Variants in KCNMA1 observed in about 807,000 individuals in gnomAD.
The protein encoded by KCNMA1 is potassium calcium-activated channel subfamily M alpha 1.
A neutral mutation model predicts 140.0 loss-of-function variants in KCNMA1; 29 were observed. That is an observed-to-expected ratio of 0.21 (90% CI 0.15 to 0.28). The LOEUF is 0.28. Ranked by LOEUF, KCNMA1 falls within the 10% of genes least tolerant of loss-of-function variation. KCNMA1 has a pLI of 1.00. For missense variants in KCNMA1, 880 were observed against 1,602.2 expected, an observed-to-expected ratio of 0.55 and a Z score of 7.70; for synonymous variants, 612 against 611.9, an observed-to-expected ratio of 1.00 and a Z score of 0.00.
At chr10:77,255,729 T>A (rs2060589084) in intron 2 of KCNMA1, among the ~76,000 whole-genome samples, 1 of 151,878 alleles carries the variant, frequency 6.6e-6, no homozygotes, top group African/African-American at 2.4e-5. Context: ...CTGGCCAATA[T>A]GGTGAAACCC....
chr10:77,546,173 T>C (rs562251857), intron 1 of KCNMA1, among the ~76,000 whole-genome samples: 1 of 152,276 alleles, frequency 6.6e-6, no homozygotes, highest in Non-Finnish European at 1.5e-5. Context: ...GAGGAAAGTC[T>C]GTGTGGGGCT....
intron 3 of KCNMA1, among the ~76,000 whole-genome samples, chr10:77,216,897 C>T (rs1338044244): frequency 6.6e-6 from 1 of 152,052 alleles, no homozygotes; most frequent in African/African-American, 2.4e-5. Flanking sequence ...CAGAAAGGTC[C>T]CATAGTTCTT....
chr10:77,335,831 G>T (rs1340253878), intron 2 of KCNMA1, among the ~76,000 whole-genome samples: 1 of 152,178 alleles, frequency 6.6e-6, no homozygotes, highest in African/African-American at 2.4e-5. Flanking sequence ...TAGCAACTGG[G>T]AAAGGAAGAA....
At chr10:77,364,544 G>A (rs774968199) in intron 2 of KCNMA1, among the ~76,000 whole-genome samples, 1 of 152,150 alleles carries the variant, frequency 6.6e-6, no homozygotes, top group African/African-American at 2.4e-5. Flanking sequence ...ATTTATATTT[G>A]TAGTTAGTAA....
At chr10:77,128,576 A>T (rs1483980470) in intron 5 of KCNMA1, among the ~76,000 whole-genome samples, 1 of 152,078 alleles carries the variant, frequency 6.6e-6, no homozygotes, top group African/African-American at 2.4e-5. Flanking sequence ...AGGCAGAGGG[A>T]GTATTAAGGC....
chr10:77,367,710 C>T (rs2094450762), intron 2 of KCNMA1, among the ~76,000 whole-genome samples: 2 of 152,186 alleles, frequency 1.3e-5, no homozygotes, highest in African/African-American at 2.4e-5. Flanking sequence ...TATGATCACA[C>T]CTATCACCCC....
chr10:77,466,046 A>G (rs751014370), intron 1 of KCNMA1, among the ~76,000 whole-genome samples: 3 of 152,178 alleles, frequency 2.0e-5, no homozygotes, highest in Non-Finnish European at 2.9e-5. Context: ...GCAAGGGCAT[A>G]CCCTTGGCGG....
chr10:77,177,153 C>A (rs2098757482), intron 5 of KCNMA1, among the ~76,000 whole-genome samples: 1 of 152,120 alleles, frequency 6.6e-6, no homozygotes, highest in African/African-American at 2.4e-5. Flanking sequence ...GACTTCTCAC[C>A]CACAGAACTG....
chr10:77,508,354 T>G (rs2046913079), intron 1 of KCNMA1, among the ~76,000 whole-genome samples: 1 of 150,570 alleles, frequency 6.6e-6, no homozygotes, highest in Admixed American at 6.6e-5. Context: ...TTTTTTTTTT[T>G]TTGTAATTTT....
intron 2 of KCNMA1, among the ~76,000 whole-genome samples, chr10:77,318,827 T>C (rs1387005704): frequency 1.3e-5 from 2 of 152,152 alleles, no homozygotes; most frequent in African/African-American, 4.8e-5. Context: ...AGTTGGAGAC[T>C]TCGTTCCTTG....
At chr10:76,937,781 C>T (rs7070554) in intron 23 of KCNMA1, among the ~76,000 whole-genome samples, 11,324 of 152,178 alleles carry the variant, frequency 0.074, 781 homozygotes, top group African/African-American at 0.18. Context: ...AATGTCATTC[C>T]CTACTTGAGG....
At chr10:77,633,777 C>A (rs879226425) in intron 1 of KCNMA1, among the ~76,000 whole-genome samples, 1 of 152,194 alleles carries the variant, frequency 6.6e-6, no homozygotes, top group South Asian at 2.1e-4. Flanking sequence ...ATGGAAATAA[C>A]TCTATGCCCA....
At chr10:77,473,413 C>A (rs1467428405) in intron 1 of KCNMA1, among the ~76,000 whole-genome samples, 1 of 152,218 alleles carries the variant, frequency 6.6e-6, no homozygotes, top group African/African-American at 2.4e-5. Flanking sequence ...CCAAGAAGAG[C>A]TTTAGCCCTG....
intron 13 of KCNMA1, among the ~76,000 whole-genome samples, chr10:77,076,696 C>T (rs559135457): frequency 3.3e-5 from 5 of 152,224 alleles, no homozygotes; most frequent in African/African-American, 9.6e-5. Context: ...CCAACGAGTA[C>T]TAAAGAAGAT....
rs1388418062 is a variant in KCNMA1 at position 77,117,441 on chromosome 10, C to T, written c.884+3532G>A. 2.2e-5 allele frequency among the ~76,000 whole-genome samples: 3 copies of T among 138,732 alleles called. No homozygotes were observed. In the East Asian group the frequency reaches 7.5e-4, roughly 35 times the overall value. 91.0% of individuals were successfully genotyped at this position (138,732 alleles called of 152,430 possible). ...GCAGGCACCTGTAATCCCAGCTACTCGGGAGGCTGAGGCAGGAGAATGGCT... is the reference window on the plus strand; with the variant it reads ...GCAGGCACCTGTAATCCCAGCTACTTGGGAGGCTGAGGCAGGAGAATGGCT... On this transcript the variant is annotated intron_variant, in intron 6 of 27. Coordinates refer to ENST00000286628, the MANE Select transcript of KCNMA1 (RefSeq NM_001161352.2).
chr10:77,378,805 C>G (rs997981333), intron 2 of KCNMA1, among the ~76,000 whole-genome samples: 3 of 152,118 alleles, frequency 2.0e-5, no homozygotes, highest in African/African-American at 7.2e-5. Flanking sequence ...GTGGGACTTA[C>G]CCAATTATAA....
At chr10:77,271,891 T>A (rs1339561826) in intron 2 of KCNMA1, among the ~76,000 whole-genome samples, 3 of 152,212 alleles carry the variant, frequency 2.0e-5, no homozygotes, top group African/African-American at 7.2e-5. Context: ...GTCCCTTTCC[T>A]ATCCTCCAAA....
intron 2 of KCNMA1, among the ~76,000 whole-genome samples, chr10:77,396,341 A>G (rs554189443): frequency 6.6e-6 from 1 of 152,304 alleles, no homozygotes; most frequent in South Asian, 2.1e-4. Flanking sequence ...AGAGACAGAG[A>G]GAGAGAGAAG....
intron 1 of KCNMA1, among the ~76,000 whole-genome samples, chr10:77,432,611 A>G (rs1274043699): frequency 1.3e-5 from 2 of 152,102 alleles, no homozygotes; most frequent in African/African-American, 4.8e-5. Context: ...GGCCAGATAC[A>G]CCCTCACACA....
Sources: gnomAD v4.1 joint callset for allele counts (sites outside exome capture counted in the v4.1 genomes callset) on GRCh38, gnomAD v4.1.1 for gene constraint, MANE v1.5 for transcripts, NCBI Gene and HGNC (gene_info 2026-07-23, HGNC 2026-07-21) for gene names.